Variants in SUGCT observed in about 807,000 individuals in gnomAD.
SUGCT encodes succinyl-CoA:glutarate-CoA transferase.
SUGCT carries 41 observed loss-of-function variants against 55.0 expected under a neutral mutation model. That is an observed-to-expected ratio of 0.74 (90% CI 0.58 to 0.97). SUGCT has a LOEUF of 0.97. SUGCT is among the 50% of genes least tolerant of loss of function. The pLI, the probability that SUGCT is intolerant of heterozygous loss-of-function variation, is 0.00. For missense variants in SUGCT, 568 were observed against 547.8 expected (o/e 1.04, Z -0.37); for synonymous variants, 187 against 200.4 (o/e 0.93, Z 0.56).
intron 6 of SUGCT, among the ~76,000 whole-genome samples, chr7:40,213,851 G>A (rs922461479): frequency 2.0e-5 from 3 of 152,034 alleles, no homozygotes; most frequent in East Asian, 3.9e-4. Context: ...GTTGACTTTT[G>A]TGTCTTTCTG....
chr7:40,214,679 G>A (rs1273104435), intron 6 of SUGCT, among the ~76,000 whole-genome samples: 1 of 152,068 alleles, frequency 6.6e-6, no homozygotes, highest in African/African-American at 2.4e-5. Context: ...ACTTTGGGAG[G>A]CTTGGGGGTG....
chr7:40,761,853 C>T (rs1178783596), intron 13 of SUGCT, among the ~76,000 whole-genome samples: 6 of 152,208 alleles, frequency 3.9e-5, no homozygotes, highest in East Asian at 1.9e-4. Context: ...GACCGTCCTC[C>T]GAGGGTCAGG....
At chr7:40,548,989 GC>G (rs2151636316) in intron 12 of SUGCT, among the ~76,000 whole-genome samples, 1 of 152,232 alleles carries the variant, frequency 6.6e-6, no homozygotes, top group South Asian at 2.1e-4. Flanking sequence ...TTACCCGGAG[GC>G]CCTCACTGAG....
At chr7:40,550,874 T>A (rs1213935176) in intron 12 of SUGCT, among the ~76,000 whole-genome samples, 1 of 152,202 alleles carries the variant, frequency 6.6e-6, no homozygotes, top group Non-Finnish European at 1.5e-5. Flanking sequence ...ATCCATTTAC[T>A]ATAGTACTAC....
At chr7:40,135,191 G>T in intron 1 of SUGCT, 71 bp downstream of exon 1, 1 of 1,482,038 alleles carries the variant, frequency 6.7e-7, no homozygotes. Flanking sequence ...GGCGCCCTGA[G>T]GAGAGCAATT....
intron 6 of SUGCT, among the ~76,000 whole-genome samples, chr7:40,215,956 C>T (rs1021410189): frequency 4.6e-5 from 7 of 151,854 alleles, no homozygotes; most frequent in Admixed American, 1.3e-4. Context: ...TTTGGGATTT[C>T]GAAATTGTTT....
At chr7:40,584,795 T>C (rs1797289978) in intron 12 of SUGCT, among the ~76,000 whole-genome samples, 1 of 152,184 alleles carries the variant, frequency 6.6e-6, no homozygotes, top group Non-Finnish European at 1.5e-5. Flanking sequence ...CTATTTACAC[T>C]GGATACTTTT....
intron 9 of SUGCT, among the ~76,000 whole-genome samples, chr7:40,348,155 C>G (rs530688007): frequency 2.6e-5 from 4 of 152,336 alleles, no homozygotes; most frequent in African/African-American, 7.2e-5. Context: ...GAGCCCACCC[C>G]CACTTACAGA....
intron 12 of SUGCT, among the ~76,000 whole-genome samples, chr7:40,564,552 T>G (rs1796023535): frequency 6.6e-6 from 1 of 152,250 alleles, no homozygotes; most frequent in South Asian, 2.1e-4. Context: ...AATTTCAACT[T>G]ATTCTGTTAA....
intron 12 of SUGCT, among the ~76,000 whole-genome samples, chr7:40,640,215 T>A (rs1479250074): frequency 6.6e-6 from 1 of 152,150 alleles, no homozygotes; most frequent in Non-Finnish European, 1.5e-5. Flanking sequence ...GGAAGTGAAA[T>A]AAATATTTAC....
chr7:40,763,271 A>G (rs12531154), intron 13 of SUGCT, among the ~76,000 whole-genome samples: 2,049 of 152,238 alleles, frequency 0.013, 143 homozygotes, highest in East Asian at 0.092. Context: ...AGGAGTATTT[A>G]ATCAGCACAT....
At chr7:40,411,118 C>T (rs775318915) in intron 9 of SUGCT, among the ~76,000 whole-genome samples, 13 of 152,144 alleles carry the variant, frequency 8.5e-5, no homozygotes, top group South Asian at 2.1e-4. Flanking sequence ...ATTGGCTGGG[C>T]GCGGTGGCTC....
chr7:40,647,673 A>G (rs1800587641), intron 12 of SUGCT, among the ~76,000 whole-genome samples: 1 of 152,108 alleles, frequency 6.6e-6, no homozygotes, highest in African/African-American at 2.4e-5. Context: ...TAACATGGTG[A>G]AACCCTGTCT....
chr7:40,417,222 CTTTG>C (rs1787052865), intron 9 of SUGCT, among the ~76,000 whole-genome samples: 1 of 151,726 alleles, frequency 6.6e-6, no homozygotes, highest in African/African-American at 2.4e-5. Flanking sequence ...CAGCTTTTTT[CTTTG>C]TTTATTTCTA....
chr7:40,665,008 T>C lies in SUGCT; in HGVS notation c.1090-84426T>C, dbSNP rs1801540752. Among the ~76,000 whole-genome samples, 35 of 151,402 alleles carry C rather than the reference T, an allele frequency of 2.3e-4. 1 individual carries two copies. Among genetic ancestry groups the C allele is most frequent in the Admixed American group, 2.3e-3 (35 of 15,172 alleles). ...AAAAAAAAAAAAAAATCTTTTTCTG[T>C]GTCATTTTTATGGCGATCTAATTTT... On this transcript the variant is annotated intron_variant, in intron 12 of 13. Coordinates refer to ENST00000335693, the MANE Select transcript of SUGCT (RefSeq NM_001193313.2).
chr7:40,328,382 A>G (rs1796120353), intron 9 of SUGCT, among the ~76,000 whole-genome samples: 1 of 152,202 alleles, frequency 6.6e-6, no homozygotes. Flanking sequence ...TGAGCAATAT[A>G]GGAGTTGGGG....
In SUGCT at chr7:40,616,515, G is replaced by A. The variant is rs182899039; in HGVS notation, c.1089+120129G>A. ...GTTTTATACATGAGAAAATCAAAGC[G>A]AAATAAAGCTAAAGTGGTTTGCCCA... On this transcript the variant is annotated intron_variant, in intron 12 of 13. Transcript: ENST00000335693. Among the ~76,000 whole-genome samples the A allele has an allele frequency of 4.5e-4, 68 of 152,316 alleles. 1 individual carries two copies. The East Asian group carries it at 6.0e-3, about 13-fold the overall frequency.
At chr7:40,864,864 C>G (rs1359925235), downstream of SUGCT, among the ~76,000 whole-genome samples, 1 of 152,128 alleles carries the variant, frequency 6.6e-6, no homozygotes, top group East Asian at 1.9e-4. Context: ...AGAGCTCAAA[C>G]ACTAGCCAGA....
At chr7:40,447,365 T>G (rs952729038) in intron 9 of SUGCT, among the ~76,000 whole-genome samples, 14 of 152,142 alleles carry the variant, frequency 9.2e-5, no homozygotes, top group Admixed American at 3.9e-4. Context: ...AAAGGGTATG[T>G]GTAAAACAGA....
Sources: allele counts gnomAD v4.1 joint callset (sites outside exome capture counted in the v4.1 genomes callset), GRCh38; gene constraint gnomAD v4.1.1; transcripts MANE v1.5; gene names NCBI Gene and HGNC (gene_info 2026-07-23, HGNC 2026-07-21).